INF2: variants seen among roughly 807,000 people sequenced by gnomAD.
INF2 encodes inverted formin-2.
In INF2, 43 loss-of-function variants were observed where a neutral mutation model predicts 123.5. The ratio of observed to expected loss-of-function variants is 0.35; its 90% CI spans 0.27 to 0.45. The LOEUF (loss-of-function observed/expected upper bound fraction) is 0.45. Among genes scored for constraint, INF2 ranks in the 20% least tolerant of loss-of-function variants. The pLI is 1.00. For synonymous variants in INF2, 851 were observed against 745.0 expected (o/e 1.14, Z -2.32); for missense variants, 1,453 against 1,682.7 (o/e 0.86, Z 2.39).
chr14:104,688,323 G>C (rs1328995231), upstream of INF2, among the ~76,000 whole-genome samples: 2 of 151,972 alleles, frequency 1.3e-5, no homozygotes, highest in Admixed American at 6.5e-5. Context: ...GCAGACAGAC[G>C]CAGCCTGCAA....
intron 1 of INF2, among the ~76,000 whole-genome samples, chr14:104,700,423 C>T (rs984246774): frequency 6.6e-6 from 1 of 152,204 alleles, no homozygotes; most frequent in African/African-American, 2.4e-5. Context: ...GCTCCCTCCC[C>T]GAGGCTCCAC....
rs1890118996 is a variant in INF2, at chr14:104,712,880, A to G, written c.2663A>G (p.Gln888Arg). 6.2e-7 allele frequency: 1 copy of G among 1,612,678 alleles called. No homozygotes were observed. Among genetic ancestry groups the G allele is most frequent in the East Asian group, 2.2e-5 (1 of 44,876 alleles). Residue 888 changes from glutamine to arginine, a missense_variant, in exon 18 of 23, where the codon CAG (glutamine) becomes CGG (arginine). Coordinates refer to ENST00000392634, the MANE Select transcript of INF2 (RefSeq NM_022489.4). ...ALDELFEAIEQKQRELADYLC... is the reference protein window; with the variant it reads ...ALDELFEAIERKQRELADYLC... Reference sequence around the variant, plus strand: ...GATGAGCTGTTTGAGGCCATCGAGCAGAAGCAACGGGAGCTGGCCGACTAC... The same window carrying G: ...GATGAGCTGTTTGAGGCCATCGAGCGGAAGCAACGGGAGCTGGCCGACTAC...
chr14:104,703,326 T>C lies in INF2; in HGVS notation c.539T>C (p.Ile180Thr). Reference protein sequence around the residue: ...TVCSQQYRFSIVMNELSGSDN... With the variant: ...TVCSQQYRFSTVMNELSGSDN... ...TGCAGCCAGCAGTACCGCTTCAGCA[T>C]TGTCATGAACGAGCTCTCCGGCAGC... The change falls in exon 4 of 23, where the codon ATT becomes ACT. Residue 180 changes from isoleucine (I) to threonine (T), a missense_variant. Coordinates refer to ENST00000392634, the MANE Select transcript of INF2 (RefSeq NM_022489.4). The C allele has an allele frequency of 6.2e-7, 1 of 1,613,056 alleles. No individual in the cohort carries two copies. The highest frequency in any genetic ancestry group is 8.5e-7 in the Non-Finnish European group (1 of 1,179,886).
chr14:104,691,503 G>A (rs1403793962), intron 1 of INF2, among the ~76,000 whole-genome samples: 14 of 152,206 alleles, frequency 9.2e-5, no homozygotes, highest in African/African-American at 3.4e-4. Context: ...CTTGCAAACA[G>A]CAGGTGTCTG....
chr14:104,713,333 G>C (rs200728095), intron 19 of INF2, 24 bp downstream of exon 19: 1 of 1,551,610 alleles, frequency 6.4e-7, no homozygotes, highest in Non-Finnish European at 8.7e-7. Context: ...GGCTGGGCGG[G>C]GAGGGGGTGA....
upstream of INF2, among the ~76,000 whole-genome samples, chr14:104,686,941 T>C (rs553899029): frequency 1.3e-5 from 2 of 152,318 alleles, no homozygotes; most frequent in Non-Finnish European, 2.9e-5. Flanking sequence ...AGGCCTACAG[T>C]GGCAGGGCCA....
At chr14:104,712,289 AC>A in intron 16 of INF2, 143 bp from the exon 17 acceptor site, 1 of 1,124,328 alleles carries the variant, frequency 8.9e-7, no homozygotes, top group South Asian at 1.4e-5. Context: ...CAGGCACTCA[AC>A]CCCAACACTG....
In INF2 at chr14:104,713,265, CGGA is replaced by C; in HGVS notation, c.2843_2845del (p.Glu948del). On this transcript the variant is annotated inframe_deletion, in exon 19 of 23. Coordinates refer to ENST00000392634, the MANE Select transcript of INF2 (RefSeq NM_022489.4). ...GCAGAGAGGAGGAAGCAGCAGCTGG[CGGA>C]GGAGGAGGCGCGGCGGCCTCGGGGA... is the stretch of plus-strand genomic sequence containing the variant. The C allele has an allele frequency of 6.4e-7, 1 of 1,551,220 alleles. No homozygotes were observed. Among genetic ancestry groups the C allele is most frequent in the South Asian group, 1.2e-5 (1 of 84,376 alleles).
intron 1 of INF2, among the ~76,000 whole-genome samples, chr14:104,696,851 A>G (rs958601494): frequency 6.6e-6 from 1 of 151,822 alleles, no homozygotes; most frequent in East Asian, 1.9e-4. Flanking sequence ...CCCACCACCA[A>G]CGCTGGCTCA....
chr14:104,707,525 A>ACCCCCCCCCCCCCC lies in INF2; in HGVS notation c.1262_1263insCCCCCCCCCCCCCC (p.Pro426HisfsTer137). The ACCCCCCCCCCCCCC allele has an allele frequency of 7.3e-7, 1 of 1,379,274 alleles. No homozygotes were observed. Among genetic ancestry groups the ACCCCCCCCCCCCCC allele is most frequent in the East Asian group, 3.5e-5 (1 of 28,542 alleles). 85.4% of individuals were successfully genotyped at this position (1,379,274 alleles called of 1,614,324 possible). On this transcript the variant is annotated frameshift_variant, in exon 8 of 23. Coordinates refer to ENST00000392634, the MANE Select transcript of INF2 (RefSeq NM_022489.4). LOFTEE classifies it high-confidence loss of function. ...CAGAGCCCTGGAGCAGCAGGCGTCC[A>ACCCCCCCCCCCCCC]CCCCACCCCCACCCCCACCCCCACC... is the stretch of plus-strand genomic sequence containing the variant.
chr14:104,683,942 G>A, intron 1 of INF2: 1 of 423,210 alleles, frequency 2.4e-6, no homozygotes, highest in Non-Finnish European at 4.8e-6. Context: ...GGTGCGGGTG[G>A]GTCTCAGGCA....
chr14:104,684,283 T>A lies in INF2; in HGVS notation c.-104+2701T>A, dbSNP rs529535824. The A allele has an allele frequency of 2.9e-5, 11 of 382,756 alleles. No homozygotes were observed. The highest frequency in any genetic ancestry group is 2.1e-4 in the South Asian group (11 of 51,784). The allele number at this position is 382,756 out of a possible 1,614,324, so 23.7% of individuals were successfully genotyped here. On this transcript the variant is annotated intron_variant, in intron 1 of 2. Transcript: ENST00000674723. The surrounding 1 kb of genome is among the most constrained non-coding windows in gnomAD (Gnocchi z 5.0). ...GAGGTCAGCAGGGAGGTGGACTGCG[T>A]CTCCCGAGGGCCAGCACTGGCTTAG... is the stretch of plus-strand genomic sequence containing the variant.
rs747903915 is a variant in INF2, at chr14:104,707,364, A to G, written c.1097A>G (p.Gln366Arg). The change falls in exon 8 of 23, where the codon CAG becomes CGG. Residue 366 changes from glutamine to arginine, a missense_variant. Gln to Arg is a conservative substitution (Grantham distance 43). This residue lies in a region of INF2 where 374 missense variants were observed against 303.7 expected (regional missense o/e 1.23). Coordinates refer to ENST00000392634, the MANE Select transcript of INF2 (RefSeq NM_022489.4). ...AHKSVQANLD[Q>R]SQRGSSPQNT... ...AAAAGCGTCCAGGCCAACCTAGACC[A>G]GAGCCAGAGGGGCAGCTCCCCGCAA... The G allele has an allele frequency of 5.0e-6, 8 of 1,597,134 alleles. No individual in the cohort carries two copies. Among genetic ancestry groups the G allele is most frequent in the East Asian group, 4.6e-5 (2 of 43,840 alleles).
rs761808106 is a variant in INF2 at position 104,715,323 on chromosome 14, T to C, written c.3734T>C (p.Leu1245Pro). ...TCTGATGATAATAAAACAAAGAAACTGTGTGTGATCCAGTAAGGTATGTAC... is the reference window on the plus strand; with the variant it reads ...TCTGATGATAATAAAACAAAGAAACCGTGTGTGATCCAGTAAGGTATGTAC... ...PDSDDNKTKK[L>P]CVIQ is the part of the protein sequence containing the mutation. The change falls in exon 22 of 23, where the codon CTG (leucine) becomes CCG (proline). Residue 1245 changes from leucine (L) to proline (P), a missense_variant. Leu to Pro is a moderately conservative substitution (Grantham distance 98). Transcript: ENST00000392634. 4.3e-6 allele frequency: 7 copies of C among 1,612,742 alleles called. No homozygotes were observed. The highest frequency in any genetic ancestry group is 1.7e-5 in the Admixed American group (1 of 59,994).
chr14:104,701,029 C>G (rs966930292), intron 1 of INF2, among the ~76,000 whole-genome samples: 1 of 152,164 alleles, frequency 6.6e-6, no homozygotes, highest in African/African-American at 2.4e-5. Context: ...CATCCGGTCC[C>G]GTCACTCTGC....
At position 104,711,652 on chromosome 14, in the gene INF2, C is replaced by G; in HGVS notation, c.2442C>G (p.Asp814Glu). Residue 814 changes from aspartate to glutamate, a missense_variant, in exon 16 of 23, where the codon GAC becomes GAG. Asp to Glu is a conservative substitution (Grantham distance 45). Transcript: ENST00000392634. The part of the protein sequence containing the change: ...VLEEAEKSHP[D>E]LLQLPRDLEQ... ...AGGAAGCGGAAAAGAGCCACCCCGA[C>G]CTCCTGCAGCTGCCCCGGGACCTGG... 1 of 1,612,536 alleles carries G rather than the reference C, an allele frequency of 6.2e-7. No homozygotes were observed. Among genetic ancestry groups the G allele is most frequent in the Non-Finnish European group, 8.5e-7 (1 of 1,179,728 alleles).
upstream of INF2, among the ~76,000 whole-genome samples, chr14:104,686,030 G>C (rs1170180235): frequency 6.7e-6 from 1 of 148,758 alleles, no homozygotes; most frequent in Non-Finnish European, 1.5e-5. Flanking sequence ...TGGGTAGGTG[G>C]GTGGGTGGAT....
At position 104,684,501 on chromosome 14, in the gene INF2, A is replaced by T; in HGVS notation, c.-104+2919A>T. ...CGAAAGAAGCCAGACACAAAGGTTGACATTTACACGCAATCCTAGAATGAC... is the reference window on the plus strand; with the variant it reads ...CGAAAGAAGCCAGACACAAAGGTTGTCATTTACACGCAATCCTAGAATGAC... On this transcript the variant is annotated intron_variant, in intron 1 of 2. Coordinates refer to the INF2 transcript ENST00000674723. The surrounding 1 kb of genome is among the most constrained non-coding windows in gnomAD (Gnocchi z 5.0). 1 of 182,804 alleles carries T rather than the reference A, an allele frequency of 5.5e-6. No individual in the cohort carries two copies. The highest frequency in any genetic ancestry group is 5.9e-5 in the Admixed American group (1 of 16,958). The allele number at this position is 182,804 out of a possible 1,614,324, so 11.3% of individuals were successfully genotyped here. A position where few individuals can be genotyped will look rare whatever the true frequency, so the allele number is the denominator to read the frequency against.
At position 104,713,585 on chromosome 14, in the gene INF2, C is replaced by A; in HGVS notation, c.3019C>A (p.Pro1007Thr). The change falls in exon 20 of 23, where the codon CCC becomes ACC. Residue 1007 changes from proline to threonine, a missense_variant. Transcript: ENST00000392634. ...GGGCAGCAAGGCAGCCTCCATGGAT[C>A]CCCCAAGAGCCACAGAGCCTGGTAA... ...DGGSKAASMD[P>T]PRATEPVATS... 6.2e-7 allele frequency: 1 copy of A among 1,612,526 alleles called. No homozygotes were observed. The highest frequency in any genetic ancestry group is 8.5e-7 in the Non-Finnish European group (1 of 1,179,766).
Sources: allele counts gnomAD v4.1 joint callset (sites outside exome capture counted in the v4.1 genomes callset), GRCh38; gene constraint gnomAD v4.1.1; regional missense constraint gnomAD v4.1.1; non-coding constraint Gnocchi (gnomAD v3.1); transcripts MANE v1.5; gene names NCBI Gene and HGNC (gene_info 2026-07-23, HGNC 2026-07-21).